Variants in CLCNKA observed in about 807,000 individuals in gnomAD.
CLCNKA encodes the protein chloride channel protein ClC-Ka.
Under a neutral mutation model 83.3 loss-of-function variants are expected in CLCNKA, and 66 were observed. The observed-to-expected ratio is 0.79, with a 90% CI of 0.65 to 0.97. The LOEUF (loss-of-function observed/expected upper bound fraction) is 0.97, where lower values mean the gene tolerates loss of function less well. Among genes scored for constraint, CLCNKA ranks in the 50% least tolerant of loss-of-function variants. CLCNKA has a pLI of 0.00. For synonymous variants in CLCNKA, 357 were observed against 370.4 expected (o/e 0.96, Z 0.42); for missense variants, 806 against 888.7 (o/e 0.91, Z 1.18).
rs2022550167 is a variant in CLCNKA, at chr1:16,029,968, C to T, written c.1301C>T (p.Ala434Val). ...GYFMPIFILG[A>V]AIGRLLGEAL... ...CTCACCCTAAGTCTGTGGCCAGGAGCTGCCATCGGGCGCCTCTTGGGAGAG... is the reference window on the plus strand; with the variant it reads ...CTCACCCTAAGTCTGTGGCCAGGAGTTGCCATCGGGCGCCTCTTGGGAGAG... The change falls in exon 14 of 20, where the codon GCT (alanine) becomes GTT (valine). Residue 434 changes from alanine (A) to valine (V), a missense_variant. Coordinates refer to ENST00000331433, the MANE Select transcript of CLCNKA (RefSeq NM_004070.4). The T allele has an allele frequency of 6.2e-7, 1 of 1,610,578 alleles. No homozygotes were observed.
rs1485001021 is a variant in CLCNKA at position 16,024,824 on chromosome 1, T to C, written c.291T>C (p.Thr97=). 1 of 1,614,070 alleles carries C rather than the reference T, an allele frequency of 6.2e-7. No homozygotes were observed. Among genetic ancestry groups the C allele is most frequent in the African/African-American group, 1.3e-5 (1 of 74,932 alleles). The change falls in exon 4 of 20, where the codon ACT becomes ACC. Residue 97 remains threonine, a synonymous_variant. Coordinates refer to ENST00000331433, the MANE Select transcript of CLCNKA (RefSeq NM_004070.4). ...DSHLLRYLSW[T]VYPVALVSFS... ...ACCTGCTCCGGTATCTTTCCTGGAC[T>C]GTGTACCCTGTGGCCCTCGTCTCTT...
chr1:16,029,059 C>T (rs1024011155), intron 11 of CLCNKA, 67 bp from the exon 12 acceptor site: 66 of 1,577,378 alleles, frequency 4.2e-5, no homozygotes, highest in African/African-American at 2.0e-4. Context: ...TCAGGCGGTG[C>T]GGGGGAGGCT....
chr1:16,028,069 C>T lies in CLCNKA; in HGVS notation c.918C>T (p.Phe306=), dbSNP rs1323765040. 4 of 1,589,006 alleles carry T rather than the reference C, an allele frequency of 2.5e-6. No individual in the cohort carries two copies. Among genetic ancestry groups the T allele is most frequent in the Non-Finnish European group, 3.5e-6 (4 of 1,158,344 alleles). ...SCAYLFCQRT[F]LSFIKTNRYS... Reference sequence around the variant, plus strand: ...CTTACCTCTTCTGTCAGCGAACCTTCCTCAGCTTCATCAAGACCAATCGGT... The same window carrying T: ...CTTACCTCTTCTGTCAGCGAACCTTTCTCAGCTTCATCAAGACCAATCGGT... Residue 306 remains phenylalanine, a synonymous_variant, in exon 10 of 20, where the codon TTC becomes TTT. Coordinates refer to ENST00000331433, the MANE Select transcript of CLCNKA (RefSeq NM_004070.4).
intron 12 of CLCNKA, 74 bp downstream of exon 12, chr1:16,029,373 G>A (rs562021946): frequency 1.3e-5 from 20 of 1,599,546 alleles, no homozygotes; most frequent in Non-Finnish European, 1.5e-5. Flanking sequence ...GTGCCTCCCT[G>A]CACCTGGTGG....
chr1:16,031,728 G>A lies in CLCNKA; in HGVS notation c.1641G>A (p.Val547=). ...CCTGCAGCTCCCACCATGTGAGGGTGGAGCACTTCATGAACCACAGCATCA... is the reference window on the plus strand; with the variant it reads ...CCTGCAGCTCCCACCATGTGAGGGTAGAGCACTTCATGAACCACAGCATCA... ...GRNIGSHHVR[V]EHFMNHSITT... Residue 547 remains valine (V), a synonymous_variant, in exon 16 of 20, where the codon GTG becomes GTA. Transcript: ENST00000331433. The A allele has an allele frequency of 1.2e-6, 2 of 1,613,820 alleles. No individual in the cohort carries two copies. Among genetic ancestry groups the A allele is most frequent in the Non-Finnish European group, 1.7e-6 (2 of 1,180,018 alleles).
chr1:16,028,334 T>G (rs1434346927), intron 10 of CLCNKA, among the ~76,000 whole-genome samples: 1 of 149,672 alleles, frequency 6.7e-6, no homozygotes, highest in Non-Finnish European at 1.5e-5. Flanking sequence ...CCTCCTTCAT[T>G]CTACAATCTC....
chr1:16,022,516 CTCT>C (rs1179671454), intron 1 of CLCNKA, 94 bp from the exon 2 acceptor site: 5 of 823,824 alleles, frequency 6.1e-6, no homozygotes, highest in Non-Finnish European at 7.7e-6. Flanking sequence ...ACAATCCTTC[CTCT>C]TCATTTGGGT....
intron 4 of CLCNKA, among the ~76,000 whole-genome samples, chr1:16,025,546 T>C (rs2022314580): frequency 6.6e-6 from 1 of 151,990 alleles, no homozygotes; most frequent in South Asian, 2.1e-4. Context: ...TAGCCAGGTG[T>C]GGTGGTGCCT....
Position 16,022,748 on chromosome 1 carries a change from C to CT in CLCNKA, c.100+29_100+30insT, listed in dbSNP as rs565086129. The CT allele has an allele frequency of 5.2e-5, 75 of 1,440,396 alleles. No homozygotes were observed. In the East Asian group the frequency reaches 9.8e-4, roughly 19 times the overall value. 89.2% of individuals were successfully genotyped at this position (1,440,396 alleles called of 1,614,324 possible). A position where few individuals can be genotyped will look rare whatever the true frequency, so the allele number is the denominator to read the frequency against. On this transcript the variant is annotated intron_variant, in intron 2 of 19. Coordinates refer to ENST00000331433, the MANE Select transcript of CLCNKA (RefSeq NM_004070.4). ...AGAGCCAGGTCCTCTTCCCTACCCG[C>CT]GGGGGACCACTCAGGACATCATTCC...
At position 16,032,474 on chromosome 1, in the gene CLCNKA, G is replaced by GC. The variant is rs1471636067; in HGVS notation, c.1881dup (p.Thr628HisfsTer22). ...CTCCAGGACATCTTGGCCAGGGGCT[G>GC]CCCCACGGAACCAGTGACCCTGACG... is the stretch of plus-strand genomic sequence containing the variant. On this transcript the variant is annotated frameshift_variant, in exon 18 of 20. Coordinates refer to ENST00000331433, the MANE Select transcript of CLCNKA (RefSeq NM_004070.4). LOFTEE classifies it high-confidence loss of function. The GC allele has an allele frequency of 6.8e-6, 11 of 1,613,228 alleles. No individual in the cohort carries two copies. Among genetic ancestry groups the GC allele is most frequent in the Middle Eastern group, 1.6e-4 (1 of 6,062 alleles).
At chr1:16,028,315 AC>A (rs2022467663) in intron 10 of CLCNKA, among the ~76,000 whole-genome samples, 196 bp downstream of exon 10, 1 of 144,792 alleles carries the variant, frequency 6.9e-6, no homozygotes, top group Non-Finnish European at 1.5e-5. Flanking sequence ...CCCACATTGA[AC>A]CCCCATCCCT....
At chr1:16,026,676 C>A in intron 6 of CLCNKA, 21 bp from the exon 7 acceptor site, 7 of 1,613,556 alleles carry the variant, frequency 4.3e-6, no homozygotes, top group Non-Finnish European at 5.9e-6. Flanking sequence ...TGACTCTGAG[C>A]CCTGGACTCG....
chr1:16,029,619 G>C, intron 12 of CLCNKA, 112 bp from the exon 13 acceptor site: 1 of 1,377,148 alleles, frequency 7.3e-7, no homozygotes. Flanking sequence ...TGGGTGCATG[G>C]CTGGCACCCT....
rs906100957 is a variant in CLCNKA at position 16,029,060 on chromosome 1, G to A, written c.1054-66G>A. On this transcript the variant is annotated intron_variant, in intron 11 of 19. Transcript: ENST00000331433. ...GATTCCAGGCGGGGTCAGGCGGTGC[G>A]GGGGAGGCTGGGGTCTGCCGCTGGG... The A allele has an allele frequency of 2.2e-4, 352 of 1,579,902 alleles. 1 individual carries two copies. The highest frequency in any genetic ancestry group is 2.9e-4 in the Non-Finnish European group (336 of 1,160,680).
chr1:16,028,837 G>A lies in CLCNKA; in HGVS notation c.1045G>A (p.Ala349Thr). The change falls in exon 11 of 20, where the codon GCT becomes ACT. Residue 349 changes from alanine (A) to threonine (T), a missense_variant. Physicochemically the swap from Ala to Thr is moderately conservative, Grantham distance 58. Coordinates refer to ENST00000331433, the MANE Select transcript of CLCNKA (RefSeq NM_004070.4). ...CCCGCCTGGTGTGGGCCACTTCCTA[G>A]CTTCTCGGGTAAGGGGTCCTGAGCG... ...TYPPGVGHFL[A>T]SRLSMKQHLD... The A allele has an allele frequency of 2.5e-6, 4 of 1,614,070 alleles. No individual in the cohort carries two copies. Among genetic ancestry groups the A allele is most frequent in the Non-Finnish European group, 3.4e-6 (4 of 1,180,016 alleles).
At chr1:16,023,046 C>T (rs1488273726) in intron 2 of CLCNKA, among the ~76,000 whole-genome samples, 1 of 152,254 alleles carries the variant, frequency 6.6e-6, no homozygotes, top group African/African-American at 2.4e-5. Flanking sequence ...GCTGGGGGCA[C>T]AGCAAGGGGC....
At chr1:16,023,107 C>T (rs2022205674) in intron 2 of CLCNKA, among the ~76,000 whole-genome samples, 4 of 152,212 alleles carry the variant, frequency 2.6e-5, no homozygotes, top group African/African-American at 7.2e-5. Context: ...GTGCCTTGTT[C>T]ACTTTGAGAC....
rs765778196 is a variant in CLCNKA, at chr1:16,023,816, A to G, written c.117A>G (p.Leu39=). Reference sequence around the variant, plus strand: ...CTGCCCCAGGTGGCCTGGAGTGGCTAAAGCAGAAGGTGTTCCGCCTGGGAG... The same window carrying G: ...CTGCCCCAGGTGGCCTGGAGTGGCTGAAGCAGAAGGTGTTCCGCCTGGGAG... ...RRAIQGGLEW[L]KQKVFRLGED... is the part of the protein sequence containing the mutation. Residue 39 remains leucine, a synonymous_variant, in exon 3 of 20, where the codon CTA becomes CTG. Transcript: ENST00000331433. 3 of 1,614,112 alleles carry G rather than the reference A, an allele frequency of 1.9e-6. No individual in the cohort carries two copies. Among genetic ancestry groups the G allele is most frequent in the Non-Finnish European group, 2.5e-6 (3 of 1,179,976 alleles).
chr1:16,023,873 G>A lies in CLCNKA; in HGVS notation c.174G>A (p.Val58=), dbSNP rs749202283. 6 of 1,614,186 alleles carry A rather than the reference G, an allele frequency of 3.7e-6. No individual in the cohort carries two copies. In the South Asian group the frequency reaches 6.6e-5, roughly 18 times the overall value. The part of the protein sequence containing the change: ...EDWYFLMTLG[V]LMALVSYAMN... ...GGTACTTCCTGATGACCCTCGGGGTGCTCATGGCCCTGGTCAGCTATGCCA... is the reference window on the plus strand; with the variant it reads ...GGTACTTCCTGATGACCCTCGGGGTACTCATGGCCCTGGTCAGCTATGCCA... Residue 58 remains valine (V), a synonymous_variant, in exon 3 of 20, where the codon GTG becomes GTA. Transcript: ENST00000331433.
Sources: gnomAD v4.1 joint callset for allele counts (sites outside exome capture counted in the v4.1 genomes callset) on GRCh38, gnomAD v4.1.1 for gene constraint, MANE v1.5 for transcripts, NCBI Gene and HGNC (gene_info 2026-07-23, HGNC 2026-07-21) for gene names.